SF3A1: variants seen among roughly 807,000 people sequenced by gnomAD.
The protein encoded by SF3A1 is SAP 114.
Under a neutral mutation model 89.9 loss-of-function variants are expected in SF3A1, and 13 were observed. The observed-to-expected ratio is 0.14, with a 90% CI of 0.09 to 0.23. The LOEUF (loss-of-function observed/expected upper bound fraction) is 0.23, where lower values mean the gene tolerates loss of function less well. SF3A1 is among the 10% of genes least tolerant of loss of function. The pLI is 1.00. For missense variants in SF3A1, 604 were observed against 1,022.1 expected (o/e 0.59, Z 5.58); for synonymous variants, 405 against 374.4 (o/e 1.08, Z -0.94).
intron 2 of SF3A1, among the ~76,000 whole-genome samples, chr22:30,348,369 A>G (rs554606535): frequency 4.6e-5 from 7 of 152,232 alleles, no homozygotes; most frequent in Non-Finnish European, 8.8e-5. Flanking sequence ...GGAGCCCGGC[A>G]CAGTGGCGCA....
intron 2 of SF3A1, chr22:30,352,597 T>C (rs1329502983): frequency 5.6e-6 from 1 of 179,138 alleles, no homozygotes; most frequent in Non-Finnish European, 1.2e-5. Flanking sequence ...TGGAATGTGG[T>C]CTTTGTACAA....
chr22:30,354,140 T>C (rs1051687608), intron 1 of SF3A1, among the ~76,000 whole-genome samples: 12 of 152,210 alleles, frequency 7.9e-5, no homozygotes, highest in Non-Finnish European at 2.9e-5. Context: ...CAGCAGCTTC[T>C]TCCCCTTAGT....
chr22:30,353,121 C>G, intron 1 of SF3A1, 49 bp from the exon 2 acceptor site: 2 of 1,602,724 alleles, frequency 1.2e-6, no homozygotes, highest in Non-Finnish European at 1.7e-6. Flanking sequence ...TGGTTCAGAG[C>G]AGGTTCTCCA....
At position 30,337,732 on chromosome 22, in the gene SF3A1, G is replaced by A. The variant is rs747716903; in HGVS notation, c.1909C>T (p.Pro637Ser). The A allele has an allele frequency of 5.8e-6, 9 of 1,560,052 alleles. No homozygotes were observed. The highest frequency in any genetic ancestry group is 7.0e-6 in the Non-Finnish European group (8 of 1,150,172). The stretch of plus-strand genomic sequence containing the variant: ...GGGGGTGGGCGGGGGGCCATAATAG[G>A]AGGGGCCGAGGGAGGCATGGGCACC... ...NVVPMPPSAP[P>S]IMAPRPPPMI... is the part of the protein sequence containing the mutation. Residue 637 changes from proline (P) to serine (S), a missense_variant, in exon 12 of 16, where the codon CCT becomes TCT. Physicochemically the swap from Pro to Ser is moderately conservative, Grantham distance 74 (BLOSUM62 -1). Coordinates refer to ENST00000215793, the MANE Select transcript of SF3A1 (RefSeq NM_005877.6).
intron 1 of SF3A1, among the ~76,000 whole-genome samples, chr22:30,354,347 A>T (rs1226404132): frequency 6.6e-6 from 1 of 152,188 alleles, no homozygotes; most frequent in Non-Finnish European, 1.5e-5. Flanking sequence ...AGTCAAAAAC[A>T]ACTGCCCACA....
chr22:30,354,486 T>G (rs560298393), intron 1 of SF3A1, among the ~76,000 whole-genome samples: 17 of 152,206 alleles, frequency 1.1e-4, no homozygotes, highest in Non-Finnish European at 2.2e-4. Flanking sequence ...TTTCACCTCC[T>G]GCACTGTGAA....
rs1347344163 is a variant in SF3A1, at chr22:30,353,034, T to C, written c.102A>G (p.Ala34=). 1.2e-6 allele frequency: 2 copies of C among 1,614,168 alleles called. No homozygotes were observed. Among genetic ancestry groups the C allele is most frequent in the Non-Finnish European group, 8.5e-7 (1 of 1,179,992 alleles). Residue 34 remains alanine (A), a synonymous_variant, in exon 2 of 16, where the codon GCA becomes GCG. Transcript: ENST00000215793. ...EEEASSKEDS[A]PSKPVVGIIY... ...TAATCCCCACAACTGGCTTAGAAGG[T>C]GCAGAATCCTCCTTTGAAGATGCTT... is the stretch of plus-strand genomic sequence containing the variant.
intron 7 of SF3A1, 88 bp downstream of exon 7, chr22:30,341,578 CCCACGCCTCCTTTCAAGGCTCACAGG>C: frequency 1.6e-6 from 1 of 607,704 alleles, no homozygotes. Flanking sequence ...TTGTTCAGGA[CCCACGCCTCCTTTCAAGGCTCACAGG>C]GGAGCTGGAT....
intron 13 of SF3A1, among the ~76,000 whole-genome samples, chr22:30,336,737 C>T (rs902605784): frequency 6.6e-6 from 1 of 152,162 alleles, no homozygotes; most frequent in Non-Finnish European, 1.5e-5. Flanking sequence ...TTGTGCTGCC[C>T]GTGCTGCTGG....
chr22:30,341,680 C>G lies in SF3A1; in HGVS notation c.1071+12G>C, dbSNP rs770350533. The G allele has an allele frequency of 6.2e-7, 1 of 1,611,062 alleles. No homozygotes were observed. The highest frequency in any genetic ancestry group is 8.5e-7 in the Non-Finnish European group (1 of 1,178,016). ...GGAAAAGGTCATCCTGCAGGCCTGC[C>G]CAGCAGCTTACCTCATCCATATCTT... On this transcript the variant is annotated intron_variant, in intron 7 of 15. Transcript: ENST00000215793.
chr22:30,338,371 T>G (rs1354412447), intron 11 of SF3A1, among the ~76,000 whole-genome samples: 2 of 150,684 alleles, frequency 1.3e-5, no homozygotes, highest in Non-Finnish European at 2.9e-5. Context: ...GGCACGAGAA[T>G]CACTTGAACT....
rs913876369 is a variant in SF3A1 at position 30,356,847 on chromosome 22, T to C, written c.-55A>G. Reference sequence around the variant, plus strand: ...CTCGGTGTCGGTGAGCGGTGCCGCCTCAAGACAGCCTCCCCGCTCGGTCAG... The same window carrying C: ...CTCGGTGTCGGTGAGCGGTGCCGCCCCAAGACAGCCTCCCCGCTCGGTCAG... On this transcript the variant is annotated 5_prime_UTR_variant, in exon 1 of 16. Transcript: ENST00000215793. The C allele has an allele frequency of 6.3e-6, 8 of 1,270,890 alleles. No individual in the cohort carries two copies. In the African/African-American group the frequency reaches 1.2e-4, roughly 20 times the overall value. 78.7% of individuals were successfully genotyped at this position (1,270,890 alleles called of 1,614,324 possible).
At chr22:30,344,490 G>A (rs921545010) in intron 4 of SF3A1, among the ~76,000 whole-genome samples, 6 of 152,166 alleles carry the variant, frequency 3.9e-5, no homozygotes, top group African/African-American at 1.4e-4. Context: ...CCTTGAGTAC[G>A]TGACTTCACC....
chr22:30,337,693 T>G lies in SF3A1; in HGVS notation c.1948A>C (p.Thr650Pro). ...AAATGATGCAAGAGATACTGACCTGTTGGCACAATCATGGGGGGTGGGCGG... is the reference window on the plus strand; with the variant it reads ...AAATGATGCAAGAGATACTGACCTGGTGGCACAATCATGGGGGGTGGGCGG... Reference protein sequence around the residue: ...APRPPPMIVPTAFVPAPPVAP... With the variant: ...APRPPPMIVPPAFVPAPPVAP... The change falls in exon 12 of 16, where the codon ACA becomes CCA. Residue 650 changes from threonine (T) to proline (P), a missense_variant. Around this residue, in one of 9 missense-constraint regions of SF3A1, gnomAD observed 45 missense variants for 41.1 expected, o/e 1.09. Transcript: ENST00000215793. 1.7e-5 allele frequency: 13 copies of G among 744,450 alleles called. No homozygotes were observed. Among genetic ancestry groups the G allele is most frequent in the Non-Finnish European group, 2.6e-5 (13 of 504,316 alleles). 46.1% of individuals were successfully genotyped at this position (744,450 alleles called of 1,614,324 possible).
At chr22:30,345,291 T>C (rs2145813369) in intron 3 of SF3A1, 101 bp from the exon 4 acceptor site, 2 of 1,126,106 alleles carry the variant, frequency 1.8e-6, no homozygotes, top group Non-Finnish European at 2.6e-6. Context: ...AGCAGGATGC[T>C]GTGAACCTCT....
intron 9 of SF3A1, among the ~76,000 whole-genome samples, chr22:30,339,847 T>C (rs1248629960): frequency 2.0e-5 from 3 of 152,214 alleles, no homozygotes; most frequent in Non-Finnish European, 2.9e-5. Context: ...GAGTCAAAAC[T>C]AGAAGCCCAG....
intron 4 of SF3A1, among the ~76,000 whole-genome samples, chr22:30,343,152 A>C (rs1424897094): frequency 6.6e-6 from 1 of 152,216 alleles, no homozygotes; most frequent in East Asian, 1.9e-4. Context: ...GCAAAGCACT[A>C]GCCGATTACC....
chr22:30,342,380 C>G (rs373191016), intron 5 of SF3A1, 30 bp from the exon 6 acceptor site: 1 of 1,571,130 alleles, frequency 6.4e-7, no homozygotes, highest in Non-Finnish European at 8.6e-7. Context: ...CTTGGTGCTA[C>G]GCTGAAGCAG....
intron 7 of SF3A1, among the ~76,000 whole-genome samples, chr22:30,341,356 C>A (rs1187786272): frequency 6.6e-6 from 1 of 152,168 alleles, no homozygotes; most frequent in Non-Finnish European, 1.5e-5. Context: ...GCTCTGGGAG[C>A]TTGGAGCCCA....
Sources: allele counts gnomAD v4.1 joint callset (sites outside exome capture counted in the v4.1 genomes callset), GRCh38; gene constraint gnomAD v4.1.1; regional missense constraint gnomAD v4.1.1; transcripts MANE v1.5; gene names NCBI Gene and HGNC (gene_info 2026-07-23, HGNC 2026-07-21).